CDH4: variants seen among roughly 807,000 people sequenced by gnomAD.
CDH4 encodes cadherin 4.
Under a neutral mutation model 86.0 loss-of-function variants are expected in CDH4, and 33 were observed. The ratio of observed to expected loss-of-function variants is 0.38; its 90% confidence interval spans 0.29 to 0.51. The LOEUF is 0.51. CDH4 is among the 20% of genes least tolerant of loss of function. CDH4 has a pLI of 0.86. For missense variants in CDH4, 1,114 were observed against 1,307.4 expected (o/e 0.85, Z 2.28); for synonymous variants, 555 against 549.4 (o/e 1.01, Z -0.14).
intron 3 of CDH4, among the ~76,000 whole-genome samples, chr20:61,762,557 C>T (rs573971878): frequency 6.6e-5 from 10 of 152,202 alleles, no homozygotes; most frequent in Non-Finnish European, 1.3e-4. Context: ...TTCTTCTCTT[C>T]CTTGGTGGAA....
intron 2 of CDH4, among the ~76,000 whole-genome samples, chr20:61,598,647 G>C (rs1015382511): frequency 6.6e-6 from 1 of 152,144 alleles, no homozygotes; most frequent in Non-Finnish European, 1.5e-5. Context: ...CCCGACCCTG[G>C]GACCAGTTTT....
intron 4 of CDH4, among the ~76,000 whole-genome samples, chr20:61,839,652 C>T (rs1982058608): frequency 6.7e-6 from 1 of 150,142 alleles, no homozygotes; most frequent in Admixed American, 6.6e-5. Flanking sequence ...GTGTCGTGTA[C>T]ATGTTTGTGT....
intron 2 of CDH4, among the ~76,000 whole-genome samples, chr20:61,525,569 G>C (rs1025135977): frequency 3.9e-5 from 6 of 152,184 alleles, no homozygotes; most frequent in African/African-American, 1.2e-4. Flanking sequence ...CAGAAGCCGG[G>C]ACTTGCTGAA....
rs930028399 is a variant in CDH4, at chr20:61,810,717, C to T, written c.577-33951C>T. Among the ~76,000 whole-genome samples the T allele has an allele frequency of 5.3e-5, 8 of 152,304 alleles. No individual in the cohort carries two copies. Among genetic ancestry groups the T allele is most frequent in the African/African-American group, 1.2e-4 (5 of 41,568 alleles). ...AAATCAGTACTCTGCCGCTAGATGA[C>T]GTGTAGCCGCATTCAGGGTCTGGCT... On this transcript the variant is annotated intron_variant, in intron 4 of 15. Transcript: ENST00000614565. The surrounding 1 kb of genome is among the most constrained non-coding windows in gnomAD (Gnocchi z 4.3).
chr20:61,661,502 A>G (rs546703110), intron 2 of CDH4, among the ~76,000 whole-genome samples: 4 of 138,068 alleles, frequency 2.9e-5, no homozygotes, highest in African/African-American at 8.2e-5. Flanking sequence ...TAACACTCAT[A>G]CATGTCAGAG....
chr20:61,424,077 C>CACACAAGTAT (rs1568839107), intron 2 of CDH4, among the ~76,000 whole-genome samples: 1 of 152,092 alleles, frequency 6.6e-6, no homozygotes, highest in African/African-American at 2.4e-5. Flanking sequence ...CCACACACAG[C>CACACAAGTAT]ACACACGTAT....
At chr20:61,853,111 A>ATT (rs1444886856) in intron 6 of CDH4, among the ~76,000 whole-genome samples, 1 of 152,132 alleles carries the variant, frequency 6.6e-6, no homozygotes, top group Admixed American at 6.5e-5. Flanking sequence ...GTGAGAAGCG[A>ATT]TTGCAGCCAC....
intron 11 of CDH4, among the ~76,000 whole-genome samples, chr20:61,924,964 C>G (rs1012338591): frequency 3.3e-5 from 5 of 152,244 alleles, no homozygotes; most frequent in African/African-American, 4.8e-5. Context: ...CCCAGCCCCA[C>G]TGGTCAGCAG....
intron 6 of CDH4, among the ~76,000 whole-genome samples, chr20:61,868,552 C>T (rs993387106): frequency 2.6e-5 from 4 of 152,350 alleles, no homozygotes; most frequent in South Asian, 2.1e-4. Context: ...ATAAACCCTG[C>T]TGTCATCAGC....
chr20:61,362,136 C>T (rs1319067734), intron 2 of CDH4, among the ~76,000 whole-genome samples: 1 of 152,052 alleles, frequency 6.6e-6, no homozygotes, highest in Admixed American at 6.5e-5. Context: ...ACCTGAGAAG[C>T]AAGAAAGAGC....
intron 2 of CDH4, among the ~76,000 whole-genome samples, chr20:61,645,709 A>G (rs2087054412): frequency 1.3e-5 from 2 of 151,428 alleles, no homozygotes; most frequent in Non-Finnish European, 2.9e-5. Context: ...CTGCACACCC[A>G]CTCTATTTCA....
chr20:61,682,368 G>T (rs918854752), intron 2 of CDH4, among the ~76,000 whole-genome samples: 1 of 150,324 alleles, frequency 6.7e-6, no homozygotes, highest in Non-Finnish European at 1.5e-5. Flanking sequence ...ATGGATGGAT[G>T]GATGGTGGAT....
chr20:61,332,878 C>T (rs2084591142), intron 2 of CDH4, among the ~76,000 whole-genome samples: 1 of 152,248 alleles, frequency 6.6e-6, no homozygotes, highest in South Asian at 2.1e-4. Flanking sequence ...GGTCACAGTG[C>T]TCATCACCCT....
At chr20:61,693,884 C>CTTTTTTTTTTTTTTTTTTTTTTTTTTTTT in intron 2 of CDH4, among the ~76,000 whole-genome samples, 1 of 82,700 alleles carries the variant, frequency 1.2e-5, no homozygotes, top group Non-Finnish European at 2.2e-5. Flanking sequence ...CTCTTTCTTT[C>CTTTTTTTTTTTTTTTTTTTTTTTTTTTTT]TTTTTTTTTT....
intron 2 of CDH4, among the ~76,000 whole-genome samples, chr20:61,462,822 G>A (rs1178231275): frequency 3.9e-5 from 6 of 152,218 alleles, no homozygotes; most frequent in Non-Finnish European, 7.3e-5. Flanking sequence ...AATCCTGCCA[G>A]AAAGGAGGGA....
chr20:61,882,824 C>G (rs929703341), intron 7 of CDH4, among the ~76,000 whole-genome samples: 1 of 151,726 alleles, frequency 6.6e-6, no homozygotes, highest in Admixed American at 6.5e-5. Context: ...CCGCCCCAGC[C>G]CCCCGCCCCT....
intron 2 of CDH4, among the ~76,000 whole-genome samples, chr20:61,532,082 A>G (rs1206645038): frequency 6.6e-6 from 1 of 152,176 alleles, no homozygotes; most frequent in Admixed American, 6.5e-5. Context: ...AGAGGCGGAT[A>G]AAACACAGGT....
At chr20:61,541,191 TA>T (rs1326992574) in intron 2 of CDH4, among the ~76,000 whole-genome samples, 1 of 152,178 alleles carries the variant, frequency 6.6e-6, no homozygotes, top group Non-Finnish European at 1.5e-5. Flanking sequence ...AGGTTATTAA[TA>T]AAAATGTTGA....
intron 2 of CDH4, among the ~76,000 whole-genome samples, chr20:61,367,348 G>A (rs1247469682): frequency 6.6e-6 from 1 of 152,178 alleles, no homozygotes; most frequent in Non-Finnish European, 1.5e-5. Context: ...TAAATAAGTG[G>A]ACGAATGAGT....
Sources: gnomAD v4.1 joint callset for allele counts (sites outside exome capture counted in the v4.1 genomes callset) on GRCh38, gnomAD v4.1.1 for gene constraint, Gnocchi (gnomAD v3.1) non-coding constraint, MANE v1.5 for transcripts, NCBI Gene and HGNC (gene_info 2026-07-23, HGNC 2026-07-21) for gene names.